LRRFIP1: variants seen among roughly 807,000 people sequenced by gnomAD.
LRRFIP1 encodes the protein LRR binding FLII interacting protein 1.
LRRFIP1 carries 62 observed loss-of-function variants against 104.4 expected under a neutral mutation model. That is an observed-to-expected ratio of 0.59 (90% CI 0.48 to 0.73). The LOEUF is 0.73. Ranked by LOEUF, LRRFIP1 falls within the 30% of genes least tolerant of loss-of-function variation. LRRFIP1 has a pLI of 0.00. For synonymous variants in LRRFIP1, 300 were observed against 299.0 expected (o/e 1.00, Z -0.03); for missense variants, 796 against 824.5 (o/e 0.97, Z 0.42).
At chr2:237,687,085 G>A (rs767559957) in intron 1 of LRRFIP1, among the ~76,000 whole-genome samples, 2 of 152,236 alleles carry the variant, frequency 1.3e-5, no homozygotes, top group South Asian at 4.1e-4. Flanking sequence ...TGCGTCAGGC[G>A]GCGTGCCGCT....
At chr2:237,627,773 CGGGCGGGCGCG>C in intron 1 of LRRFIP1, 33 bp downstream of exon 1, 1 of 1,182,830 alleles carries the variant, frequency 8.5e-7, no homozygotes, top group Non-Finnish European at 1.1e-6. Context: ...CGGGGGGCGC[CGGGCGGGCGCG>C]GGGGCCGGAC....
At position 237,751,207 on chromosome 2, in the gene LRRFIP1, A is replaced by G. The variant is rs748229009; in HGVS notation, c.803A>G (p.Asn268Ser). The change falls in exon 14 of 24, where the codon AAT becomes AGT. Residue 268 changes from asparagine (N) to serine (S), a missense_variant. Coordinates refer to ENST00000308482, the MANE Select transcript of LRRFIP1 (RefSeq NM_001137550.2). ...EASIREIKEL[N>S]ELKDQIQDVE... The stretch of plus-strand genomic sequence containing the variant: ...TTTTGCCATTTCCCCCAGGAACTCA[A>G]TGAGTTAAAGGACCAGATTCAGGAT... 1.4e-5 allele frequency: 23 copies of G among 1,606,928 alleles called. No individual in the cohort carries two copies. Among genetic ancestry groups the G allele is most frequent in the South Asian group, 5.6e-5 (5 of 88,596 alleles).
At chr2:237,641,213 T>TAA (rs768910623) in intron 1 of LRRFIP1, among the ~76,000 whole-genome samples, 9 of 125,536 alleles carry the variant, frequency 7.2e-5, no homozygotes, top group African/African-American at 1.5e-4. Context: ...CCATCTCTAT[T>TAA]AAAAAAAAAA....
chr2:237,694,843 G>A (rs963287501), intron 1 of LRRFIP1, among the ~76,000 whole-genome samples: 8 of 152,230 alleles, frequency 5.3e-5, no homozygotes, highest in African/African-American at 1.7e-4. Flanking sequence ...CTGTGTTTGC[G>A]ATGGCTTGTG....
In LRRFIP1 at chr2:237,766,167, G is replaced by T. The variant is rs772812316; in HGVS notation, c.1460-3776G>T. 6.6e-6 allele frequency among the ~76,000 whole-genome samples: 1 copy of T among 152,180 alleles called. No individual in the cohort carries two copies. The highest frequency in any genetic ancestry group is 1.5e-5 in the Non-Finnish European group (1 of 68,038). ...ATCCCCTGTGATCTGTGGTTCTGAT[G>T]TGCAGCCTCAGCTGAAAACGGTCTT... On this transcript the variant is annotated intron_variant, in intron 19 of 23. Transcript: ENST00000308482. This position sits in a 1 kb window ranked among gnomAD's most constrained non-coding sequence, Gnocchi z 4.8.
chr2:237,760,037 T>C (rs1576346822), intron 18 of LRRFIP1, 27 bp from the exon 19 acceptor site: 8 of 1,608,358 alleles, frequency 5.0e-6, no homozygotes, highest in Non-Finnish European at 6.8e-6. Flanking sequence ...TGAGTAAATA[T>C]TACGATGAGC....
At chr2:237,752,989 G>T (rs913265370) in intron 14 of LRRFIP1, among the ~76,000 whole-genome samples, 2 of 152,178 alleles carry the variant, frequency 1.3e-5, no homozygotes, top group African/African-American at 4.8e-5. Context: ...CGTGCTGGGG[G>T]GATTCCCCAG....
At chr2:237,741,488 T>C (rs1053190770) in intron 11 of LRRFIP1, among the ~76,000 whole-genome samples, 8 of 152,172 alleles carry the variant, frequency 5.3e-5, no homozygotes, top group Non-Finnish European at 1.0e-4. Context: ...GTAATAAATT[T>C]AGTGTAGGAT....
chr2:237,696,887 T>C (rs1211631029), intron 1 of LRRFIP1, among the ~76,000 whole-genome samples: 3 of 152,258 alleles, frequency 2.0e-5, no homozygotes, highest in African/African-American at 7.2e-5. Context: ...GAAGGATTTC[T>C]TTTTACCAAA....
rs143352565 is a variant in LRRFIP1 at position 237,688,922 on chromosome 2, T to C, written c.97-19622T>C. ...GGGATGAACATTTTGTGTATCTCCA[T>C]GTTTCTATAAAATGCCACCTTTCAG... On this transcript the variant is annotated intron_variant, in intron 1 of 23. Coordinates refer to ENST00000308482, the MANE Select transcript of LRRFIP1 (RefSeq NM_001137550.2). Among the ~76,000 whole-genome samples the C allele has an allele frequency of 2.6e-5, 4 of 152,144 alleles. No individual in the cohort carries two copies. The East Asian group carries it at 5.8e-4, about 22-fold the overall frequency.
At chr2:237,753,206 AG>A (rs1213982367) in intron 14 of LRRFIP1, 102 bp from the exon 15 acceptor site, 2 of 777,776 alleles carry the variant, frequency 2.6e-6, no homozygotes, top group African/African-American at 3.7e-5. Context: ...TAAGAAATAT[AG>A]TCTAAGTTTA....
chr2:237,746,767 A>G (rs1283407192), intron 11 of LRRFIP1, among the ~76,000 whole-genome samples: 1 of 152,238 alleles, frequency 6.6e-6, no homozygotes, highest in Non-Finnish European at 1.5e-5. Context: ...CAGGGCAGAG[A>G]GCCGTAAGCA....
At chr2:237,672,569 A>T (rs540859868) in intron 1 of LRRFIP1, among the ~76,000 whole-genome samples, 1 of 152,240 alleles carries the variant, frequency 6.6e-6, no homozygotes, top group Non-Finnish European at 1.5e-5. Flanking sequence ...TTATGATCAG[A>T]TGGCTCTGTC....
chr2:237,777,639 AT>A (rs1378281592), intron 23 of LRRFIP1, among the ~76,000 whole-genome samples: 1 of 149,832 alleles, frequency 6.7e-6, no homozygotes, highest in Non-Finnish European at 1.5e-5. Context: ...TTTGTCTTTG[AT>A]TTTCTACAGT....
At chr2:237,685,128 A>G (rs1364742328) in intron 1 of LRRFIP1, among the ~76,000 whole-genome samples, 1 of 147,386 alleles carries the variant, frequency 6.8e-6, no homozygotes, top group Non-Finnish European at 1.5e-5. Flanking sequence ...ACACAAAAAA[A>G]CCCCAAAAAT....
At chr2:237,668,443 G>A (rs1460299640) in intron 1 of LRRFIP1, among the ~76,000 whole-genome samples, 1 of 152,162 alleles carries the variant, frequency 6.6e-6, no homozygotes, top group African/African-American at 2.4e-5. Flanking sequence ...CTCATGCTAT[G>A]GTTCCCCGCC....
At chr2:237,656,326 T>C (rs889312389) in intron 1 of LRRFIP1, among the ~76,000 whole-genome samples, 7 of 152,222 alleles carry the variant, frequency 4.6e-5, no homozygotes, top group Non-Finnish European at 7.3e-5. Context: ...GCTATTATAC[T>C]GGGCAGGGGT....
intron 1 of LRRFIP1, among the ~76,000 whole-genome samples, chr2:237,632,372 G>A (rs1053654336): frequency 4.6e-5 from 7 of 152,162 alleles, no homozygotes; most frequent in African/African-American, 1.7e-4. Flanking sequence ...TGCGGGCCAG[G>A]CTGAGGCCAA....
chr2:237,733,755 A>G lies in LRRFIP1; in HGVS notation c.445-19A>G, dbSNP rs1236540134. On this transcript the variant is annotated intron_variant, in intron 8 of 23. Transcript: ENST00000308482. ...TTTTTCAAGGCTTTTAAAACCTGCC[A>G]TTTGCTTTCATCCTCCAGCCCTCCT... 3.7e-6 allele frequency: 6 copies of G among 1,613,700 alleles called. No individual in the cohort carries two copies. In the African/African-American group the frequency reaches 4.0e-5, roughly 11 times the overall value.
Sources: allele counts gnomAD v4.1 joint callset (sites outside exome capture counted in the v4.1 genomes callset), GRCh38; gene constraint gnomAD v4.1.1; non-coding constraint Gnocchi (gnomAD v3.1); transcripts MANE v1.5; gene names NCBI Gene and HGNC (gene_info 2026-07-23, HGNC 2026-07-21).